CRPPA: variants seen among roughly 807,000 people sequenced by gnomAD.
CRPPA encodes the protein D-ribitol-5-phosphate cytidylyltransferase.
A neutral mutation model predicts 52.0 loss-of-function variants in CRPPA; 43 were observed. The observed-to-expected ratio is 0.83, with a 90% CI of 0.65 to 1.07. The LOEUF is 1.07. Ranked by LOEUF, CRPPA falls within the 50% of genes least tolerant of loss-of-function variation. The probability of loss-of-function intolerance (pLI) is 0.00; values close to 1 mark genes in which losing one functional copy is unlikely to be tolerated. For missense variants in CRPPA, 629 were observed against 551.7 expected (o/e 1.14, Z -1.40); for synonymous variants, 250 against 203.5 (o/e 1.23, Z -1.94).
chr7:16,333,132 G>A (rs1426595082), intron 3 of CRPPA, among the ~76,000 whole-genome samples: 1 of 152,166 alleles, frequency 6.6e-6, no homozygotes, highest in Non-Finnish European at 1.5e-5. Context: ...ACTGATAGAT[G>A]TGTAAAATAA....
chr7:16,349,012 C>G (rs142474088), intron 3 of CRPPA, among the ~76,000 whole-genome samples: 24 of 152,326 alleles, frequency 1.6e-4, no homozygotes, highest in Admixed American at 7.2e-4. Flanking sequence ...TCCCTAGTAT[C>G]AGAGGGTGCA....
chr7:16,260,609 A>T lies in CRPPA; in HGVS notation c.934-1597T>A, dbSNP rs79124337. Among the ~76,000 whole-genome samples, 5 of 152,128 alleles carry T rather than the reference A, an allele frequency of 3.3e-5. No individual in the cohort carries two copies. In the East Asian group the frequency reaches 9.6e-4, roughly 29 times the overall value. On this transcript the variant is annotated intron_variant, in intron 6 of 9. Transcript: ENST00000407010. ...GTGTCAGGCTGACTTATTTGCATGC[A>T]AGTAAGGTATAGTCTCACATCCTGC...
At chr7:16,180,166 G>C (rs2128387398) in intron 9 of CRPPA, among the ~76,000 whole-genome samples, 2 of 152,154 alleles carry the variant, frequency 1.3e-5, no homozygotes, top group Admixed American at 1.3e-4. Flanking sequence ...GAATTACCAG[G>C]ATAATTCTAG....
chr7:16,126,620 G>A (rs991438639), intron 9 of CRPPA, among the ~76,000 whole-genome samples: 5 of 152,120 alleles, frequency 3.3e-5, no homozygotes, highest in African/African-American at 7.2e-5. Context: ...ATCTAGAATT[G>A]CATTTGGAGA....
chr7:16,250,421 G>A (rs565374304), intron 8 of CRPPA, among the ~76,000 whole-genome samples: 12 of 152,176 alleles, frequency 7.9e-5, no homozygotes, highest in Non-Finnish European at 1.6e-4. Context: ...ACACAGAATC[G>A]TCAGACTGAT....
intron 3 of CRPPA, among the ~76,000 whole-genome samples, chr7:16,336,886 A>G (rs923392963): frequency 1.3e-5 from 2 of 152,134 alleles, no homozygotes; most frequent in African/African-American, 4.8e-5. Flanking sequence ...ACAAAGAGAC[A>G]AAGAAGGTCA....
At chr7:16,358,774 T>G (rs1453647160) in intron 3 of CRPPA, among the ~76,000 whole-genome samples, 1 of 152,180 alleles carries the variant, frequency 6.6e-6, no homozygotes, top group Non-Finnish European at 1.5e-5. Flanking sequence ...TTCTACTAGT[T>G]CTAAAAAATG....
chr7:16,382,288 A>T (rs1277538120), intron 2 of CRPPA, among the ~76,000 whole-genome samples: 2 of 152,170 alleles, frequency 1.3e-5, no homozygotes, highest in East Asian at 1.9e-4. Flanking sequence ...TGGGTTGAAA[A>T]TTCTTTTCTT....
At chr7:16,103,035 G>C (rs1054434632) in intron 9 of CRPPA, among the ~76,000 whole-genome samples, 7 of 152,096 alleles carry the variant, frequency 4.6e-5, no homozygotes, top group African/African-American at 1.7e-4. Context: ...GTTCACAATA[G>C]GAAAGACTTG....
intron 8 of CRPPA, among the ~76,000 whole-genome samples, chr7:16,242,022 G>T (rs933506686): frequency 2.1e-5 from 3 of 142,970 alleles, no homozygotes; most frequent in Non-Finnish European, 4.5e-5. Context: ...GCAGTGGTGC[G>T]ATCTCGGTTC....
intron 8 of CRPPA, 114 bp downstream of exon 8, chr7:16,258,276 T>C (rs1018667195): frequency 8.2e-5 from 46 of 562,708 alleles, no homozygotes; most frequent in Non-Finnish European, 1.3e-4. Context: ...CAAACAAGAG[T>C]TTCTTTTGAG....
chr7:16,410,050 A>G (rs1300683972), intron 1 of CRPPA, among the ~76,000 whole-genome samples: 3 of 152,224 alleles, frequency 2.0e-5, no homozygotes, highest in Non-Finnish European at 2.9e-5. Flanking sequence ...CTGACTAGCT[A>G]CAAATATATA....
At chr7:16,415,744 A>G (rs1037143035) in intron 1 of CRPPA, among the ~76,000 whole-genome samples, 1 of 152,120 alleles carries the variant, frequency 6.6e-6, no homozygotes, top group African/African-American at 2.4e-5. Context: ...TATCTGCTGC[A>G]CTTCCTCTCA....
intron 5 of CRPPA, among the ~76,000 whole-genome samples, chr7:16,297,131 C>A (rs1168044658): frequency 6.6e-6 from 1 of 152,108 alleles, no homozygotes; most frequent in Admixed American, 6.5e-5. Flanking sequence ...ACAATGTAGA[C>A]CTGAGCTTAA....
intron 9 of CRPPA, among the ~76,000 whole-genome samples, chr7:16,094,788 C>T (rs1781904164): frequency 6.6e-6 from 1 of 152,048 alleles, no homozygotes; most frequent in East Asian, 1.9e-4. Flanking sequence ...ATGAGGAAGA[C>T]ATCGGAAAAG....
intron 9 of CRPPA, among the ~76,000 whole-genome samples, chr7:16,116,071 G>A (rs966581891): frequency 2.0e-5 from 3 of 152,128 alleles, no homozygotes; most frequent in South Asian, 2.1e-4. Context: ...ATTAAAAATC[G>A]GGATATTTAC....
At position 16,421,313 on chromosome 7, in the gene CRPPA, C is replaced by T. The variant is rs1788333840; in HGVS notation, c.10G>A (p.Gly4Arg). The T allele has an allele frequency of 1.6e-6, 2 of 1,258,942 alleles. No individual in the cohort carries two copies. The highest frequency in any genetic ancestry group is 4.2e-5 in the Admixed American group (1 of 23,560). 78.0% of individuals were successfully genotyped at this position (1,258,942 alleles called of 1,614,324 possible). A position where few individuals can be genotyped will look rare whatever the true frequency, so the allele number is the denominator to read the frequency against. ...GCCGGCCTGGCGCTGCCCGGCGGCC[C>T]GGCCTCCATGGCTGCGGGCGGAACG... MEAGPPGSARPAEP... is the reference protein window; with the variant it reads MEARPPGSARPAEP... Residue 4 changes from glycine to arginine, a missense_variant, in exon 1 of 10, where the codon GGG becomes AGG. Physicochemically the swap from Gly to Arg is moderately radical, Grantham distance 125. Transcript: ENST00000407010.
rs11363510 is a variant in CRPPA, at chr7:16,154,973, CTT to C, written c.1251+61091_1251+61092del. Among the ~76,000 whole-genome samples the C allele has an allele frequency of 2.5e-3, 314 of 126,982 alleles. 1 individual carries two copies. The highest frequency in any genetic ancestry group is 5.8e-3 in the South Asian group (22 of 3,820). The allele number at this position is 126,982 out of a possible 152,430, so 83.3% of individuals were successfully genotyped here. A position where few individuals can be genotyped will look rare whatever the true frequency, so the allele number is the denominator to read the frequency against. On this transcript the variant is annotated intron_variant, in intron 9 of 9. Transcript: ENST00000407010. The stretch of plus-strand genomic sequence containing the variant: ...GCACCACACACCCAGCTAATTTTTT[CTT>C]TTTTTTTTTTTTTTTGGATTTTTAG...
chr7:16,323,219 T>G (rs1316738642), intron 3 of CRPPA, among the ~76,000 whole-genome samples: 3 of 152,282 alleles, frequency 2.0e-5, no homozygotes, highest in Middle Eastern at 6.8e-3. Context: ...GATGAGAATT[T>G]AAGGGGTCCT....
Sources: allele counts gnomAD v4.1 joint callset (sites outside exome capture counted in the v4.1 genomes callset), GRCh38; gene constraint gnomAD v4.1.1; transcripts MANE v1.5; gene names NCBI Gene and HGNC (gene_info 2026-07-23, HGNC 2026-07-21).